Variants in MMAB observed in about 807,000 individuals in gnomAD.
The protein encoded by MMAB is metabolism of cobalamin associated B.
MMAB carries 17 observed loss-of-function variants against 30.6 expected under a neutral mutation model. That is an observed-to-expected ratio of 0.56 (90% CI 0.38 to 0.83). The LOEUF is 0.83. Ranked by LOEUF, MMAB falls within the 40% of genes least tolerant of loss-of-function variation. The pLI is 0.00. For missense variants in MMAB, 311 were observed against 331.6 expected (o/e 0.94, Z 0.48); for synonymous variants, 134 against 138.6 (o/e 0.97, Z 0.23).
In MMAB at chr12:109,573,365, C is replaced by T. The variant is rs1466525448; in HGVS notation, c.116G>A (p.Gly39Asp). The change falls in exon 1 of 9, where the codon GGC (glycine) becomes GAC (aspartate). Residue 39 changes from glycine to aspartate, a missense_variant. Physicochemically the swap from Gly to Asp is moderately conservative, Grantham distance 94. Transcript: ENST00000545712. ...YPRFQSRGPQ[G>D]VEDGDRPQPS... ...CACTCACCTGTCCCCGTCTTCCACG[C>T]CCTGAGGGCCGCGGCTCTGGAAACG... 5.6e-6 allele frequency: 9 copies of T among 1,613,048 alleles called. No homozygotes were observed. Among genetic ancestry groups the T allele is most frequent in the African/African-American group, 1.3e-5 (1 of 74,906 alleles).
At chr12:109,560,834 G>A (rs945261049) in intron 7 of MMAB, among the ~76,000 whole-genome samples, 4 of 152,146 alleles carry the variant, frequency 2.6e-5, no homozygotes, top group Admixed American at 6.5e-5. Flanking sequence ...CCTGGTCCCC[G>A]TCTGGCACAG....
chr12:109,565,680 T>C lies in MMAB; in HGVS notation c.291-504A>G, dbSNP rs1166108958. 2.0e-5 allele frequency among the ~76,000 whole-genome samples: 3 copies of C among 152,156 alleles called. No homozygotes were observed. In the East Asian group the frequency reaches 5.8e-4, roughly 29 times the overall value. On this transcript the variant is annotated intron_variant, in intron 3 of 8. Coordinates refer to ENST00000545712, the MANE Select transcript of MMAB (RefSeq NM_052845.4). ...TTCAGGAGTGTGATAGGTAATCAGA[T>C]TAGACATACTCCTGAATGTGAAGGT...
rs552022651 is a variant in MMAB, at chr12:109,556,918, T to C, written c.*110A>G. ...AGCTGAGCTGGGACAAAAGGCTGCTTTGAGCCTCTCTGGGTGAGCTCTTCA... is the reference window on the plus strand; with the variant it reads ...AGCTGAGCTGGGACAAAAGGCTGCTCTGAGCCTCTCTGGGTGAGCTCTTCA... On this transcript the variant is annotated 3_prime_UTR_variant, in exon 9 of 9. Coordinates refer to ENST00000545712, the MANE Select transcript of MMAB (RefSeq NM_052845.4). 1 of 743,870 alleles carries C rather than the reference T, an allele frequency of 1.3e-6. No homozygotes were observed. Among genetic ancestry groups the C allele is most frequent in the Non-Finnish European group, 2.4e-6 (1 of 415,840 alleles). The allele number at this position is 743,870 out of a possible 1,614,324, so 46.1% of individuals were successfully genotyped here.
In MMAB at chr12:109,558,574, T is replaced by C. The variant is rs2136194358; in HGVS notation, c.644+522A>G. 6.6e-6 allele frequency among the ~76,000 whole-genome samples: 1 copy of C among 152,200 alleles called. No individual in the cohort carries two copies. The highest frequency in any genetic ancestry group is 2.4e-5 in the African/African-American group (1 of 41,532). Reference sequence around the variant, plus strand: ...CTTTGGGCCAGGTGTGGCTCCAGCCTCATGGGCCGGCCGCGAGGCAGAGGA... The same window carrying C: ...CTTTGGGCCAGGTGTGGCTCCAGCCCCATGGGCCGGCCGCGAGGCAGAGGA... On this transcript the variant is annotated intron_variant, in intron 8 of 8. Coordinates refer to ENST00000545712, the MANE Select transcript of MMAB (RefSeq NM_052845.4). This position sits in a 1 kb window ranked among gnomAD's most constrained non-coding sequence, Gnocchi z 4.3.
intron 4 of MMAB, among the ~76,000 whole-genome samples, chr12:109,564,326 C>A (rs1348138325): frequency 6.6e-6 from 1 of 151,788 alleles, no homozygotes; most frequent in African/African-American, 2.4e-5. Context: ...ATCCTCCCCA[C>A]TCGCCTGTGA....
In MMAB at chr12:109,561,255, T is replaced by C; in HGVS notation, c.520-151A>G. ...ACGGCACACCCACCGGGCACGCTGC[T>C]CCAGAGTGGGCAGGGCTGGGAGGGA... On this transcript the variant is annotated intron_variant, in intron 6 of 8. Transcript: ENST00000545712. This position sits in a 1 kb window ranked among gnomAD's most constrained non-coding sequence, Gnocchi z 5.3. The C allele has an allele frequency of 6.3e-7, 1 of 1,588,346 alleles. No homozygotes were observed. The highest frequency in any genetic ancestry group is 1.1e-5 in the South Asian group (1 of 89,612).
chr12:109,561,032 C>CCT lies in MMAB; in HGVS notation c.584+6_584+7dup. 1.9e-6 allele frequency: 3 copies of CCT among 1,609,044 alleles called. No homozygotes were observed. The South Asian group carries it at 3.3e-5, about 18-fold the overall frequency. On this transcript the variant is annotated splice_region_variant and intron_variant, in intron 7 of 8. Coordinates refer to ENST00000545712, the MANE Select transcript of MMAB (RefSeq NM_052845.4). The surrounding 1 kb of genome is among the most constrained non-coding windows in gnomAD (Gnocchi z 5.3). ...CTTGGGCCCTCTCCCTCTCTCCAGC[C>CCT]CTCTTACCGTCTCTCGGCCCGGCGG...
intron 4 of MMAB, among the ~76,000 whole-genome samples, chr12:109,564,148 G>A (rs542541699): frequency 1.5e-4 from 23 of 152,278 alleles, no homozygotes; most frequent in Admixed American, 2.6e-4. Flanking sequence ...GTCATTCTTC[G>A]TTGACGGGGG....
At position 109,555,001 on chromosome 12, in the gene MMAB, AC is replaced by A. The variant is rs1883911570; in HGVS notation, c.*2026del. 1 of 453,900 alleles carries A rather than the reference AC, an allele frequency of 2.2e-6. No individual in the cohort carries two copies. The highest frequency in any genetic ancestry group is 1.6e-5 in the South Asian group (1 of 64,470). The allele number at this position is 453,900 out of a possible 1,614,324, so 28.1% of individuals were successfully genotyped here. ...CGACTGTTAACATCCAGGCTGTGAC[AC>A]CCGGTCCTGGAAGGACAGGACTTGG... On this transcript the variant is annotated 3_prime_UTR_variant, in exon 9 of 9. Transcript: ENST00000545712.
intron 7 of MMAB, among the ~76,000 whole-genome samples, chr12:109,559,823 C>T (rs1884127138): frequency 6.6e-6 from 1 of 152,222 alleles, no homozygotes; most frequent in Non-Finnish European, 1.5e-5. Context: ...AAGCCATGCA[C>T]CCGGCTAGCG....
chr12:109,572,531 C>T (rs1303171834), intron 1 of MMAB, among the ~76,000 whole-genome samples: 1 of 150,800 alleles, frequency 6.6e-6, no homozygotes, highest in Non-Finnish European at 1.5e-5. Flanking sequence ...TGATTACAGG[C>T]GTGAGCCACC....
rs1317185417 is a variant in MMAB at position 109,573,494 on chromosome 12, T to G, written c.-14A>C. ...GCACACAGCCATGAGCCAGGCTGCT[T>G]GACGGGACCTGACCCCGCCAGGTTC... On this transcript the variant is annotated 5_prime_UTR_variant, in exon 1 of 9. Transcript: ENST00000545712. The G allele has an allele frequency of 1.3e-6, 2 of 1,591,490 alleles. No individual in the cohort carries two copies. Among genetic ancestry groups the G allele is most frequent in the Middle Eastern group, 1.9e-4 (1 of 5,250 alleles).
At position 109,554,407 on chromosome 12, in the gene MMAB, C is replaced by G; in HGVS notation, c.*2621G>C. The G allele has an allele frequency of 2.2e-6, 1 of 454,070 alleles. No homozygotes were observed. The highest frequency in any genetic ancestry group is 4.4e-6 in the Non-Finnish European group (1 of 226,786). The allele number at this position is 454,070 out of a possible 1,614,324, so 28.1% of individuals were successfully genotyped here. The stretch of plus-strand genomic sequence containing the variant: ...GAGCCTGACCTGGAGGCGGAGGAGG[C>G]ATTTTCATGGGTGCAAAATGTAAGG... On this transcript the variant is annotated 3_prime_UTR_variant, in exon 9 of 9. Transcript: ENST00000545712.
intron 1 of MMAB, among the ~76,000 whole-genome samples, chr12:109,571,961 C>T (rs1884651521): frequency 6.6e-6 from 1 of 152,174 alleles, no homozygotes; most frequent in Admixed American, 6.6e-5. Context: ...AACAAAGATG[C>T]TCAATAAATA....
rs1258429232 is a variant in MMAB at position 109,556,764 on chromosome 12, T to A, written c.*264A>T. 3 of 592,498 alleles carry A rather than the reference T, an allele frequency of 5.1e-6. No homozygotes were observed. In the Admixed American group the frequency reaches 6.4e-5, roughly 13 times the overall value. The allele number at this position is 592,498 out of a possible 1,614,324, so 36.7% of individuals were successfully genotyped here. Reference sequence around the variant, plus strand: ...CTCATTGCAGCAATCACTTTACCTGTCTTTCCTGCAATGCCAATTCATTCC... The same window carrying A: ...CTCATTGCAGCAATCACTTTACCTGACTTTCCTGCAATGCCAATTCATTCC... On this transcript the variant is annotated 3_prime_UTR_variant, in exon 9 of 9. Coordinates refer to ENST00000545712, the MANE Select transcript of MMAB (RefSeq NM_052845.4).
In MMAB at chr12:109,558,960, T is replaced by C. The variant is rs972599958; in HGVS notation, c.644+136A>G. On this transcript the variant is annotated intron_variant, in intron 8 of 8. Transcript: ENST00000545712. This position sits in a 1 kb window ranked among gnomAD's most constrained non-coding sequence, Gnocchi z 4.3. The stretch of plus-strand genomic sequence containing the variant: ...GTGGTGCCTGGCACAGAGCAGATGT[T>C]CATAAACACTAAGGGAATGAAGGAG... 1.4e-6 allele frequency: 1 copy of C among 716,972 alleles called. No homozygotes were observed. The highest frequency in any genetic ancestry group is 2.5e-6 in the Non-Finnish European group (1 of 398,586). 44.4% of individuals were successfully genotyped at this position (716,972 alleles called of 1,614,324 possible). A position where few individuals can be genotyped will look rare whatever the true frequency, so the allele number is the denominator to read the frequency against.
At chr12:109,557,391 C>A (rs940604987) in intron 8 of MMAB, among the ~76,000 whole-genome samples, 4 of 152,228 alleles carry the variant, frequency 2.6e-5, no homozygotes, top group African/African-American at 9.6e-5. Flanking sequence ...TGCCCCGGCC[C>A]TACCCCATGG....
At position 109,561,947 on chromosome 12, in the gene MMAB, T is replaced by C. The variant is rs1396089158; in HGVS notation, c.349-95A>G. ...CGCCACCTAATACGCCGGCAAAGCC[T>C]GTGCCAGCTAGCTCATGAAGGGCTG... is the stretch of plus-strand genomic sequence containing the variant. On this transcript the variant is annotated intron_variant, in intron 4 of 8. Transcript: ENST00000545712. This position sits in a 1 kb window ranked among gnomAD's most constrained non-coding sequence, Gnocchi z 5.3. 1.8e-6 allele frequency: 2 copies of C among 1,081,206 alleles called. No individual in the cohort carries two copies. Among genetic ancestry groups the C allele is most frequent in the African/African-American group, 3.1e-5 (2 of 64,112 alleles). The allele number at this position is 1,081,206 out of a possible 1,614,324, so 67.0% of individuals were successfully genotyped here. A position where few individuals can be genotyped will look rare whatever the true frequency, so the allele number is the denominator to read the frequency against.
At position 109,567,007 on chromosome 12, in the gene MMAB, T is replaced by C. The variant is rs77622500; in HGVS notation, c.290+1763A>G. On this transcript the variant is annotated intron_variant, in intron 3 of 8. Transcript: ENST00000545712. ...CCTCCCATTATCTGTCCCGAAAATC[T>C]CACCTAGTCAGGCCCGCCATGGAGA... The C allele has an allele frequency of 3.2e-3, 1,473 of 455,978 alleles. 20 individuals are homozygous for C. Among genetic ancestry groups the C allele is most frequent in the African/African-American group, 0.028 (1,391 of 50,072 alleles). The allele number at this position is 455,978 out of a possible 1,614,324, so 28.2% of individuals were successfully genotyped here.
Sources: allele counts gnomAD v4.1 joint callset (sites outside exome capture counted in the v4.1 genomes callset), GRCh38; gene constraint gnomAD v4.1.1; non-coding constraint Gnocchi (gnomAD v3.1); transcripts MANE v1.5; gene names NCBI Gene and HGNC (gene_info 2026-07-23, HGNC 2026-07-21).